Variants in SLIT3 observed in about 807,000 individuals in gnomAD.
SLIT3 encodes slit homolog 3 protein.
Under a neutral mutation model 184.0 loss-of-function variants are expected in SLIT3, and 68 were observed. The ratio of observed to expected loss-of-function variants is 0.37; its 90% CI spans 0.30 to 0.45. The LOEUF (loss-of-function observed/expected upper bound fraction) is 0.45. Among genes scored for constraint, SLIT3 ranks in the 20% least tolerant of loss-of-function variants. SLIT3 has a pLI of 1.00. For synonymous variants in SLIT3, 831 were observed against 828.6 expected, an observed-to-expected ratio of 1.00 and a Z score of -0.05; for missense variants, 1,707 against 2,026.0, an observed-to-expected ratio of 0.84 and a Z score of 3.02.
chr5:169,091,242 C>G (rs2113202937), intron 4 of SLIT3, among the ~76,000 whole-genome samples: 1 of 152,244 alleles, frequency 6.6e-6, no homozygotes, highest in African/African-American at 2.4e-5. Context: ...TAGGCAGACT[C>G]TACACGGCAT....
rs1439203647 is a variant in SLIT3, at chr5:168,664,289, G to GA, written c.*2164dup. ...GCATTTTGGGAGACTGAGGCAGGAA[G>GA]ATGGCTTGAGCCTAGGAGGTTGAGG... On this transcript the variant is annotated 3_prime_UTR_variant, in exon 36 of 36. Coordinates refer to ENST00000519560, the MANE Select transcript of SLIT3 (RefSeq NM_003062.4). 6.6e-6 allele frequency: 1 copy of GA among 152,198 alleles called. No individual in the cohort carries two copies. The allele number at this position is 152,198 out of a possible 1,614,324, so 9.4% of individuals were successfully genotyped here.
intron 4 of SLIT3, among the ~76,000 whole-genome samples, chr5:169,148,960 T>C (rs1293264461): frequency 1.3e-5 from 2 of 152,142 alleles, no homozygotes; most frequent in Non-Finnish European, 2.9e-5. Context: ...ACATCTACTA[T>C]TCACAGAAGT....
intron 12 of SLIT3, among the ~76,000 whole-genome samples, chr5:168,782,426 T>C (rs1756008129): frequency 6.6e-6 from 1 of 152,144 alleles, no homozygotes; most frequent in African/African-American, 2.4e-5. Flanking sequence ...AATGACAGCC[T>C]TTTCCTGCTT....
At chr5:169,233,625 G>A (rs1253961672) in intron 3 of SLIT3, among the ~76,000 whole-genome samples, 1 of 152,074 alleles carries the variant, frequency 6.6e-6, no homozygotes, top group Admixed American at 6.5e-5. Context: ...TACCGCACAC[G>A]TACCCCGGAA....
intron 4 of SLIT3, among the ~76,000 whole-genome samples, chr5:168,903,426 C>T (rs1235588733): frequency 3.9e-5 from 6 of 152,072 alleles, no homozygotes; most frequent in Non-Finnish European, 8.8e-5. Flanking sequence ...AACCTCTCAG[C>T]ACCTGTGTTT....
At chr5:168,699,729 C>G (rs1762161781) in intron 27 of SLIT3, among the ~76,000 whole-genome samples, 1 of 152,202 alleles carries the variant, frequency 6.6e-6, no homozygotes, top group African/African-American at 2.4e-5. Context: ...GTCTCAGCTT[C>G]CCCATCTGTT....
At chr5:168,718,434 C>T (rs921820140) in intron 23 of SLIT3, among the ~76,000 whole-genome samples, 3 of 152,086 alleles carry the variant, frequency 2.0e-5, no homozygotes, top group African/African-American at 7.2e-5. Flanking sequence ...GGTGGCCCTC[C>T]TGCGACTGGG....
chr5:169,246,948 A>AG (rs1765613476), intron 2 of SLIT3, among the ~76,000 whole-genome samples: 1 of 124,690 alleles, frequency 8.0e-6, no homozygotes, highest in African/African-American at 3.1e-5. Flanking sequence ...AAAAAAAAAA[A>AG]GGCTGGGCAC....
At chr5:168,962,582 C>G (rs1226163705) in intron 4 of SLIT3, among the ~76,000 whole-genome samples, 1 of 152,016 alleles carries the variant, frequency 6.6e-6, no homozygotes, top group Non-Finnish European at 1.5e-5. Flanking sequence ...AAAAGTGAGC[C>G]CAACCCCCAT....
At chr5:168,735,677 C>T (rs967154359) in intron 20 of SLIT3, among the ~76,000 whole-genome samples, 6 of 147,980 alleles carry the variant, frequency 4.1e-5, no homozygotes, top group African/African-American at 1.5e-4. Context: ...CACACACACA[C>T]ACACACACAC....
intron 4 of SLIT3, among the ~76,000 whole-genome samples, chr5:168,956,339 G>A (rs890305831): frequency 4.6e-5 from 7 of 152,146 alleles, no homozygotes; most frequent in South Asian, 2.1e-4. Context: ...GATGTTCTCC[G>A]TATGTGAGAA....
chr5:169,212,736 G>T (rs1764308210), intron 3 of SLIT3, among the ~76,000 whole-genome samples: 1 of 152,128 alleles, frequency 6.6e-6, no homozygotes, highest in African/African-American at 2.4e-5. Flanking sequence ...TTTCTTGCAG[G>T]GTTTTTATGG....
intron 4 of SLIT3, among the ~76,000 whole-genome samples, chr5:168,969,720 G>T (rs2113316717): frequency 6.6e-6 from 1 of 152,362 alleles, no homozygotes; most frequent in African/African-American, 2.4e-5. Flanking sequence ...GACAGGTGCA[G>T]TTTCCATGAA....
At chr5:169,025,975 A>G (rs2113506569) in intron 4 of SLIT3, among the ~76,000 whole-genome samples, 1 of 152,282 alleles carries the variant, frequency 6.6e-6, no homozygotes, top group Non-Finnish European at 1.5e-5. Context: ...GTGAGTGGCT[A>G]ATTTCCCAAA....
rs186618380 is a variant in SLIT3 at position 168,819,341 on chromosome 5, G to A, written c.630-1878C>T. ...GCAGTGGACTTTCAGCTGACTTTTC[G>A]CCGGGTATAAATGTTGCCCAAGGAA... On this transcript the variant is annotated intron_variant, in intron 7 of 35. Coordinates refer to ENST00000519560, the MANE Select transcript of SLIT3 (RefSeq NM_003062.4). Among the ~76,000 whole-genome samples the A allele has an allele frequency of 2.4e-3, 369 of 152,352 alleles. 1 individual carries two copies. Among genetic ancestry groups the A allele is most frequent in the African/African-American group, 8.3e-3 (344 of 41,580 alleles).
chr5:169,074,270 T>C (rs148618736), intron 4 of SLIT3, among the ~76,000 whole-genome samples: 44 of 152,292 alleles, frequency 2.9e-4, no homozygotes, highest in Non-Finnish European at 2.9e-5. Flanking sequence ...AGGTCTCATT[T>C]TCCAGCTCTC....
In SLIT3 at chr5:169,160,828, G is replaced by A. The variant is rs149896924; in HGVS notation, c.413+32651C>T. On this transcript the variant is annotated intron_variant, in intron 4 of 35. Transcript: ENST00000519560. The stretch of plus-strand genomic sequence containing the variant: ...AGCCCATTCTCCCAGAAGCCCCATT[G>A]TTCCATCCACCTACACTTTGAGGGA... Among the ~76,000 whole-genome samples, 228 of 152,270 alleles carry A rather than the reference G, an allele frequency of 1.5e-3. 1 individual carries two copies. Among genetic ancestry groups the A allele is most frequent in the African/African-American group, 4.9e-3 (205 of 41,576 alleles).
chr5:168,958,878 G>T (rs549736066), intron 4 of SLIT3, among the ~76,000 whole-genome samples: 1 of 152,262 alleles, frequency 6.6e-6, no homozygotes, highest in South Asian at 2.1e-4. Flanking sequence ...CCTATCCATG[G>T]CTTATGAATG....
intron 4 of SLIT3, among the ~76,000 whole-genome samples, chr5:169,017,632 G>A (rs13355630): frequency 0.11 from 16,941 of 152,208 alleles, 2,529 homozygotes; most frequent in African/African-American, 0.34. Flanking sequence ...GCCTCTGCAT[G>A]GCAATGGGCT....
Sources: gnomAD v4.1 joint callset for allele counts (sites outside exome capture counted in the v4.1 genomes callset) on GRCh38, gnomAD v4.1.1 for gene constraint, MANE v1.5 for transcripts, NCBI Gene and HGNC (gene_info 2026-07-23, HGNC 2026-07-21) for gene names.